MEGF9: variants seen among roughly 807,000 people sequenced by gnomAD.
MEGF9 encodes multiple EGF like domains 9, also known as multiple epidermal growth factor-like domains protein 9.
In MEGF9, 6 loss-of-function variants were observed where a neutral mutation model predicts 46.8. That is an observed-to-expected ratio of 0.13 (90% CI 0.07 to 0.25). The LOEUF (loss-of-function observed/expected upper bound fraction) is 0.25, where lower values mean the gene tolerates loss of function less well. Among genes scored for constraint, MEGF9 ranks in the 10% least tolerant of loss-of-function variants. MEGF9 has a pLI of 1.00. For synonymous variants in MEGF9, 302 were observed against 330.7 expected, an observed-to-expected ratio of 0.91 and a Z score of 0.94; for missense variants, 683 against 792.4, an observed-to-expected ratio of 0.86 and a Z score of 1.66.
intron 2 of MEGF9, among the ~76,000 whole-genome samples, chr9:120,648,541 C>T (rs4142158): frequency 0.69 from 104,514 of 151,840 alleles, 36,149 homozygotes; most frequent in South Asian, 0.75. Flanking sequence ...AAGATCTCCC[C>T]GAATGTTTGC....
chr9:120,644,956 T>G (rs2043619225), intron 2 of MEGF9, among the ~76,000 whole-genome samples: 1 of 152,248 alleles, frequency 6.6e-6, no homozygotes, highest in African/African-American at 2.4e-5. Context: ...AGTTCCTTTC[T>G]TCTTTAGCAA....
At chr9:120,679,568 A>C (rs2043789234) in intron 1 of MEGF9, among the ~76,000 whole-genome samples, 1 of 152,148 alleles carries the variant, frequency 6.6e-6, no homozygotes, top group African/African-American at 2.4e-5. Flanking sequence ...GCACATGTAT[A>C]CATATGTGAC....
At chr9:120,624,307 A>C (rs550262035) in intron 2 of MEGF9, among the ~76,000 whole-genome samples, 1 of 152,212 alleles carries the variant, frequency 6.6e-6, no homozygotes, top group Admixed American at 6.5e-5. Flanking sequence ...GGCTCACTGC[A>C]GCCTCAACTT....
At chr9:120,619,103 T>A (rs1033304197) in intron 3 of MEGF9, among the ~76,000 whole-genome samples, 1 of 152,140 alleles carries the variant, frequency 6.6e-6, no homozygotes, top group Non-Finnish European at 1.5e-5. Flanking sequence ...CCCACCACTT[T>A]AGGAGGCCGA....
intron 2 of MEGF9, among the ~76,000 whole-genome samples, chr9:120,658,286 C>A (rs535506609): frequency 1.3e-5 from 2 of 152,228 alleles, no homozygotes; most frequent in Admixed American, 6.5e-5. Context: ...CGCGCCCAGC[C>A]TCTTCTACAT....
intron 2 of MEGF9, among the ~76,000 whole-genome samples, chr9:120,654,964 A>C (rs2043669763): frequency 6.6e-6 from 1 of 152,252 alleles, no homozygotes. Context: ...ATTTTTGTAC[A>C]ACTGTACAAT....
intron 1 of MEGF9, among the ~76,000 whole-genome samples, chr9:120,687,444 G>A (rs553637603): frequency 3.3e-5 from 5 of 152,200 alleles, no homozygotes; most frequent in South Asian, 2.1e-4. Context: ...GTGCAATGTT[G>A]TTCATTGCAG....
chr9:120,688,130 A>AACACACACAC (rs34218836), intron 1 of MEGF9, among the ~76,000 whole-genome samples: 8 of 142,526 alleles, frequency 5.6e-5, no homozygotes, highest in African/African-American at 7.8e-5. Flanking sequence ...TCCTCTCCGC[A>AACACACACAC]ACACACACAC....
intron 1 of MEGF9, among the ~76,000 whole-genome samples, chr9:120,681,704 T>A (rs1291035317): frequency 2.6e-5 from 4 of 152,200 alleles, no homozygotes; most frequent in Admixed American, 1.3e-4. Flanking sequence ...TACCTATTAA[T>A]ATAGAGTAGC....
intron 2 of MEGF9, among the ~76,000 whole-genome samples, chr9:120,632,200 A>G (rs1179459807): frequency 6.6e-6 from 1 of 152,160 alleles, no homozygotes; most frequent in Non-Finnish European, 1.5e-5. Flanking sequence ...CCCAGACCAC[A>G]ATATGAATTC....
chr9:120,669,716 A>G (rs903793957), intron 1 of MEGF9, among the ~76,000 whole-genome samples: 3 of 152,178 alleles, frequency 2.0e-5, no homozygotes, highest in African/African-American at 7.2e-5. Flanking sequence ...ATGACAGCAA[A>G]TATATTTAAT....
intron 1 of MEGF9, among the ~76,000 whole-genome samples, chr9:120,676,642 A>C (rs1232290379): frequency 6.6e-6 from 1 of 152,248 alleles, no homozygotes; most frequent in Non-Finnish European, 1.5e-5. Context: ...GTCATATCTT[A>C]TCTGGCTAAC....
At chr9:120,693,173 G>C (rs796348865) in intron 1 of MEGF9, among the ~76,000 whole-genome samples, 41 of 149,282 alleles carry the variant, frequency 2.7e-4, no homozygotes, top group African/African-American at 9.8e-4. Context: ...AAATAAAAGT[G>C]AATGTAAAGT....
intron 2 of MEGF9, among the ~76,000 whole-genome samples, chr9:120,656,993 C>T (rs1211300668): frequency 6.6e-6 from 1 of 152,188 alleles, no homozygotes; most frequent in Non-Finnish European, 1.5e-5. Context: ...AAAATACCCA[C>T]CATGATTGGA....
chr9:120,685,317 A>G (rs2043817288), intron 1 of MEGF9, among the ~76,000 whole-genome samples: 1 of 152,226 alleles, frequency 6.6e-6, no homozygotes, highest in Admixed American at 6.5e-5. Flanking sequence ...AATACAAAAC[A>G]CAACCGTCGA....
chr9:120,627,736 T>C (rs148537793), intron 2 of MEGF9, among the ~76,000 whole-genome samples: 2,393 of 152,340 alleles, frequency 0.016, 58 homozygotes, highest in African/African-American at 0.054. Context: ...GTGCTGGGAT[T>C]ACAGGTGTGA....
chr9:120,619,045 T>C (rs1424778980), intron 3 of MEGF9, among the ~76,000 whole-genome samples: 1 of 152,170 alleles, frequency 6.6e-6, no homozygotes, highest in African/African-American at 2.4e-5. Context: ...CTATATATCA[T>C]TCTTTAAAAC....
At chr9:120,697,585 C>T (rs2043883645) in intron 1 of MEGF9, among the ~76,000 whole-genome samples, 1 of 152,186 alleles carries the variant, frequency 6.6e-6, no homozygotes, top group Non-Finnish European at 1.5e-5. Flanking sequence ...GACATTGTCT[C>T]TTGTTAGCAC....
chr9:120,605,173 A>T lies in MEGF9; in HGVS notation c.*17T>A, dbSNP rs774511906. On this transcript the variant is annotated 3_prime_UTR_variant, in exon 6 of 6. Coordinates refer to ENST00000373930, the MANE Select transcript of MEGF9 (RefSeq NM_001080497.3). The surrounding 1 kb of genome is among the most constrained non-coding windows in gnomAD (Gnocchi z 4.0). Reference sequence around the variant, plus strand: ...AGCAAGCACTGTGGTTTAACAATTCAGAACAGTTCTAGCTCCTTAGGCTTT... The same window carrying T: ...AGCAAGCACTGTGGTTTAACAATTCTGAACAGTTCTAGCTCCTTAGGCTTT... The T allele has an allele frequency of 1.0e-5, 16 of 1,597,568 alleles. No homozygotes were observed. Among genetic ancestry groups the T allele is most frequent in the Middle Eastern group, 1.7e-4 (1 of 5,928 alleles).
Sources: gnomAD v4.1 joint callset for allele counts (sites outside exome capture counted in the v4.1 genomes callset) on GRCh38, gnomAD v4.1.1 for gene constraint, Gnocchi (gnomAD v3.1) non-coding constraint, MANE v1.5 for transcripts, NCBI Gene and HGNC (gene_info 2026-07-23, HGNC 2026-07-21) for gene names.